Variants in MYH7B observed in about 807,000 individuals in gnomAD.
MYH7B encodes the protein myosin-7B.
MYH7B carries 205 observed loss-of-function variants against 234.5 expected under a neutral mutation model. That is an observed-to-expected ratio of 0.87 (90% CI 0.78 to 0.98). The LOEUF is 0.98. Among genes scored for constraint, MYH7B ranks in the 50% least tolerant of loss-of-function variants. MYH7B has a pLI of 0.00. For synonymous variants in MYH7B, 1,193 were observed against 1,105.0 expected (o/e 1.08, Z -1.58); for missense variants, 2,652 against 2,633.4 (o/e 1.01, Z -0.15).
At chr20:34,997,088 A>G (rs1287469815) in exon 31 of MYH7B, 1 of 1,544,678 alleles carries the variant, frequency 6.5e-7, no homozygotes, top group Non-Finnish European at 8.7e-7. Flanking sequence ...CCCAGGAAGG[A>G]CTCCGAGCTG....
rs1226762094 is a variant in MYH7B, at chr20:34,997,087, G to A, written c.3271G>A (p.Asp1091Asn). The change falls in exon 31 of 45, where the codon GAC (aspartate) becomes AAC (asparagine). Residue 1091 changes from aspartate to asparagine, a missense_variant. Physicochemically the swap from Asp to Asn is conservative, Grantham distance 23. Coordinates refer to ENST00000262873, the Ensembl canonical transcript of MYH7B. ...CACCCACTCTGTGGCTCCCAGGAAGGACTCCGAGCTGAGCCAGCTGAGCCT... is the reference window on the plus strand; with the variant it reads ...CACCCACTCTGTGGCTCCCAGGAAGAACTCCGAGCTGAGCCAGCTGAGCCT... 1 of 1,548,546 alleles carries A rather than the reference G, an allele frequency of 6.5e-7. No homozygotes were observed. The highest frequency in any genetic ancestry group is 2.4e-5 in the East Asian group (1 of 40,890).
chr20:34,986,002 C>A, intron 13 of MYH7B, 98 bp from the exon 14 acceptor site: 2 of 1,052,178 alleles, frequency 1.9e-6, no homozygotes, highest in South Asian at 1.4e-5. Context: ...AGCCCCCCTG[C>A]ACACTCCCTG....
At chr20:34,987,703 G>A (rs367738266) in intron 17 of MYH7B, 28 bp downstream of exon 17, 53 of 1,612,050 alleles carry the variant, frequency 3.3e-5, no homozygotes, top group Non-Finnish European at 4.1e-5. Context: ...CAAACCCATG[G>A]GGGACAGCCG....
At chr20:34,976,959 G>A (rs1167510638) in intron 3 of MYH7B, among the ~76,000 whole-genome samples, 1 of 152,202 alleles carries the variant, frequency 6.6e-6, no homozygotes, top group Non-Finnish European at 1.5e-5. Context: ...GAGCCTCTGG[G>A]AGGCAGGCGA....
At chr20:34,999,849 T>A in exon 38 of MYH7B, 1 of 1,595,728 alleles carries the variant, frequency 6.3e-7, no homozygotes, top group South Asian at 1.1e-5. Context: ...CTCTCCCAGG[T>A]CAAAGCAGAA....
chr20:34,958,118 G>A lies in MYH7B; in HGVS notation c.-316G>A, dbSNP rs2081658973. On this transcript the variant is annotated 5_prime_UTR_variant, in exon 2 of 45. The change creates a new upstream start codon in the 5' untranslated region. Transcript: ENST00000262873. ...TGCAGGTTCCCCTCTTCCAAGACGGGTGCCAAGTGATGAGTATCAGGTGTC... is the reference window on the plus strand; with the variant it reads ...TGCAGGTTCCCCTCTTCCAAGACGGATGCCAAGTGATGAGTATCAGGTGTC... Among the ~76,000 whole-genome samples the A allele has an allele frequency of 6.6e-6, 1 of 152,210 alleles. No individual in the cohort carries two copies. The highest frequency in any genetic ancestry group is 2.1e-4 in the South Asian group (1 of 4,824).
exon 40 of MYH7B, chr20:35,000,836 G>A: frequency 6.2e-7 from 1 of 1,613,904 alleles, no homozygotes; most frequent in Non-Finnish European, 8.5e-7. Flanking sequence ...GGGAGGTGGA[G>A]GAGGCTGCAC....
intron 2 of MYH7B, among the ~76,000 whole-genome samples, chr20:34,974,755 C>T (rs1237758729): frequency 1.3e-5 from 2 of 152,244 alleles, no homozygotes; most frequent in Admixed American, 6.5e-5. Context: ...GCTCTCCAGC[C>T]TCTGATGCCA....
intron 2 of MYH7B, among the ~76,000 whole-genome samples, chr20:34,971,086 G>A (rs2081789480): frequency 6.6e-6 from 1 of 152,136 alleles, no homozygotes. Context: ...CCAGTCTGAG[G>A]TACCCTTGTG....
chr20:34,996,991 A>G (rs2082271980), intron 30 of MYH7B, 92 bp from the exon 31 acceptor site: 3 of 1,366,472 alleles, frequency 2.2e-6, no homozygotes, highest in Admixed American at 2.3e-5. Flanking sequence ...GAGGTCCCTC[A>G]GGGCCTGAAG....
At chr20:34,971,746 T>G (rs1243553386) in intron 2 of MYH7B, among the ~76,000 whole-genome samples, 1 of 152,242 alleles carries the variant, frequency 6.6e-6, no homozygotes, top group African/African-American at 2.4e-5. Context: ...TAGGAACACA[T>G]AAATCTGACC....
chr20:34,998,976 G>A (rs983048233), intron 35 of MYH7B, 61 bp downstream of exon 35: 13 of 1,583,442 alleles, frequency 8.2e-6, no homozygotes, highest in African/African-American at 5.4e-5. Flanking sequence ...CCTGAGCCCC[G>A]CTGAGGGTGG....
At chr20:34,986,611 G>C (rs1217562009) in intron 14 of MYH7B, among the ~76,000 whole-genome samples, 1 of 152,226 alleles carries the variant, frequency 6.6e-6, no homozygotes, top group Non-Finnish European at 1.5e-5. Flanking sequence ...AAAGATGAGT[G>C]AGACGTGAGG....
chr20:34,994,377 T>A, exon 27 of MYH7B: 1 of 1,591,152 alleles, frequency 6.3e-7, no homozygotes. Context: ...AGGAGAAGAA[T>A]GACCTGGCCC....
chr20:34,993,826 C>A (rs1339365814), intron 26 of MYH7B, among the ~76,000 whole-genome samples: 1 of 152,250 alleles, frequency 6.6e-6, no homozygotes, highest in African/African-American at 2.4e-5. Flanking sequence ...CTCCACTCAG[C>A]AGAAGGGTGC....
At chr20:34,969,540 C>CTTTTT (rs770172832) in intron 2 of MYH7B, among the ~76,000 whole-genome samples, 2 of 126,790 alleles carry the variant, frequency 1.6e-5, no homozygotes, top group Admixed American at 8.6e-5. Flanking sequence ...TCTTCTGCTC[C>CTTTTT]TTTTTTTTTT....
intron 37 of MYH7B, 36 bp from the exon 38 acceptor site, chr20:34,999,755 C>A (rs529230306): frequency 3.9e-5 from 50 of 1,296,220 alleles, no homozygotes; most frequent in Middle Eastern, 3.8e-4. Context: ...GGCCATCCCC[C>A]CCCCCCACCC....
intron 37 of MYH7B, 27 bp downstream of exon 37, chr20:34,999,722 G>A: frequency 6.2e-7 from 1 of 1,611,316 alleles, no homozygotes; most frequent in South Asian, 1.1e-5. Flanking sequence ...AGGGGTGGGT[G>A]GACACTGACC....
At position 34,984,844 on chromosome 20, in the gene MYH7B, A is replaced by C. The variant is rs201028083; in HGVS notation, c.649-10A>C. On this transcript the variant is annotated splice_polypyrimidine_tract_variant and intron_variant, in intron 11 of 44. Transcript: ENST00000262873. ...AGAACTGACAGACCCCCTCACCCCC[A>C]CCGCCCCAGGGCACCCTTGAGGATC... 3,778 of 1,612,472 alleles carry C rather than the reference A, an allele frequency of 2.3e-3. 74 individuals are homozygous for C. In the African/African-American group the frequency reaches 0.044, roughly 19 times the overall value.
Sources: gnomAD v4.1 joint callset for allele counts (sites outside exome capture counted in the v4.1 genomes callset) on GRCh38, gnomAD v4.1.1 for gene constraint, MANE v1.5 for transcripts, NCBI Gene and HGNC (gene_info 2026-07-23, HGNC 2026-07-21) for gene names.